GABBR2: variants seen among roughly 807,000 people sequenced by gnomAD.
The protein encoded by GABBR2 is gamma-aminobutyric acid type B receptor subunit 2.
In GABBR2, 23 loss-of-function variants were observed where a neutral mutation model predicts 105.6. The observed-to-expected ratio is 0.22, with a 90% CI of 0.16 to 0.31. The LOEUF (loss-of-function observed/expected upper bound fraction) is 0.31. Ranked by LOEUF, GABBR2 falls within the 10% of genes least tolerant of loss-of-function variation. The pLI is 1.00. For missense variants in GABBR2, 734 were observed against 1,245.5 expected, an observed-to-expected ratio of 0.59 and a Z score of 6.18; for synonymous variants, 478 against 499.7, an observed-to-expected ratio of 0.96 and a Z score of 0.58.
chr9:98,483,991 A>G (rs1342572500), intron 4 of GABBR2, among the ~76,000 whole-genome samples: 1 of 152,196 alleles, frequency 6.6e-6, no homozygotes, highest in Admixed American at 6.5e-5. Flanking sequence ...GAATTAATCC[A>G]GTGTGCAGCA....
intron 7 of GABBR2, among the ~76,000 whole-genome samples, chr9:98,432,211 A>G (rs1337366328): frequency 6.6e-6 from 1 of 152,180 alleles, no homozygotes; most frequent in Non-Finnish European, 1.5e-5. Context: ...AAGGTTTTTA[A>G]TAAGGAGTAC....
chr9:98,398,133 G>T (rs1832326825), intron 8 of GABBR2, among the ~76,000 whole-genome samples: 1 of 152,162 alleles, frequency 6.6e-6, no homozygotes, highest in Admixed American at 6.5e-5. Flanking sequence ...TGTAATAACT[G>T]CCAGGGGTAG....
At chr9:98,673,835 A>G (rs1357691043) in intron 1 of GABBR2, among the ~76,000 whole-genome samples, 1 of 152,168 alleles carries the variant, frequency 6.6e-6, no homozygotes, top group African/African-American at 2.4e-5. Flanking sequence ...TGTCTGACCT[A>G]CGCTCACTGC....
intron 13 of GABBR2, among the ~76,000 whole-genome samples, chr9:98,324,585 T>C (rs1830887668): frequency 1.3e-5 from 2 of 151,814 alleles, no homozygotes; most frequent in South Asian, 2.1e-4. Context: ...CATTTTCCTG[T>C]TGTCATTCAG....
intron 6 of GABBR2, among the ~76,000 whole-genome samples, chr9:98,463,296 T>C (rs1213286227): frequency 6.6e-6 from 1 of 152,242 alleles, no homozygotes; most frequent in Non-Finnish European, 1.5e-5. Flanking sequence ...TGGAAGACTT[T>C]AATATTAAGA....
chr9:98,631,626 CAATT>C (rs1467628865), intron 1 of GABBR2, among the ~76,000 whole-genome samples: 1 of 152,224 alleles, frequency 6.6e-6, no homozygotes, highest in Non-Finnish European at 1.5e-5. Flanking sequence ...AGTCCACTCT[CAATT>C]AGTTAGAATG....
At chr9:98,683,707 C>G (rs113834332) in intron 1 of GABBR2, among the ~76,000 whole-genome samples, 123 of 151,760 alleles carry the variant, frequency 8.1e-4, no homozygotes, top group African/African-American at 2.8e-3. Flanking sequence ...CCTGCATGTT[C>G]GACAACAGAA....
rs1199274056 is a variant in GABBR2, at chr9:98,290,697, G to A, written c.2713C>T (p.Pro905Ser). ...QLPILHHAYL[P>S]SIGGVDASCV... ...CTGGCGTCCACGCCTCCGATGGATG[G>A]GAGGTAGGCGTGGTGGAGGATGGGG... Residue 905 changes from proline (P) to serine (S), a missense_variant, in exon 19 of 19, where the codon CCA becomes TCA. Pro to Ser is a moderately conservative substitution (Grantham distance 74). This residue lies in a region of GABBR2 where 134 missense variants were observed against 171.2 expected (regional missense o/e 0.78). Transcript: ENST00000259455. The A allele has an allele frequency of 6.7e-7, 1 of 1,485,610 alleles. No individual in the cohort carries two copies. Among genetic ancestry groups the A allele is most frequent in the Non-Finnish European group, 8.9e-7 (1 of 1,129,280 alleles). The allele number at this position is 1,485,610 out of a possible 1,614,324, so 92.0% of individuals were successfully genotyped here.
intron 1 of GABBR2, among the ~76,000 whole-genome samples, chr9:98,698,756 C>T (rs1830790017): frequency 6.6e-6 from 1 of 152,094 alleles, no homozygotes; most frequent in African/African-American, 2.4e-5. Flanking sequence ...CTTCGGCCTC[C>T]CAAAGTGCTG....
chr9:98,324,146 C>CGGTT (rs1310058506), intron 13 of GABBR2, among the ~76,000 whole-genome samples: 1 of 152,156 alleles, frequency 6.6e-6, no homozygotes, highest in Non-Finnish European at 1.5e-5. Flanking sequence ...AGGGCCCTGT[C>CGGTT]GGTTTTTCAT....
intron 7 of GABBR2, among the ~76,000 whole-genome samples, chr9:98,448,218 C>T (rs148934771): frequency 3.3e-5 from 5 of 151,902 alleles, no homozygotes; most frequent in South Asian, 2.1e-4. Context: ...GTACACCCAC[C>T]GAGAATGAGG....
chr9:98,394,248 C>T lies in GABBR2; in HGVS notation c.1305G>A (p.Arg435=), dbSNP rs1832247679. The part of the protein sequence containing the change: ...TIKFTQFQDS[R]EVKVGEYNAV... ...CGTTGTACTCTCCCACCTTCACCTC[C>T]CTGCTGTCTGTGGGGAGCAAAAGAC... The change falls in exon 9 of 19, where the codon AGG becomes AGA. Residue 435 remains arginine (R), a synonymous_variant. Transcript: ENST00000259455. 1 of 1,612,856 alleles carries T rather than the reference C, an allele frequency of 6.2e-7. No individual in the cohort carries two copies. The highest frequency in any genetic ancestry group is 1.3e-5 in the African/African-American group (1 of 75,024).
At chr9:98,672,461 T>A (rs1564147631) in intron 1 of GABBR2, among the ~76,000 whole-genome samples, 1 of 152,270 alleles carries the variant, frequency 6.6e-6, no homozygotes, top group African/African-American at 2.4e-5. Context: ...AACCACTTTC[T>A]TCTTCAATAC....
intron 7 of GABBR2, among the ~76,000 whole-genome samples, chr9:98,442,883 A>G (rs923026037): frequency 6.6e-6 from 1 of 152,068 alleles, no homozygotes; most frequent in African/African-American, 2.4e-5. Flanking sequence ...CTGTCTTCAA[A>G]TCTCCCCTTT....
intron 8 of GABBR2, among the ~76,000 whole-genome samples, chr9:98,403,563 C>T (rs1023542423): frequency 3.3e-5 from 5 of 151,976 alleles, no homozygotes; most frequent in Non-Finnish European, 7.4e-5. Flanking sequence ...ATGAGATCAT[C>T]GCTAAGGCCC....
intron 1 of GABBR2, among the ~76,000 whole-genome samples, chr9:98,677,340 G>A (rs1044116284): frequency 4.6e-5 from 7 of 152,212 alleles, no homozygotes; most frequent in African/African-American, 1.2e-4. Flanking sequence ...AGTCAAAAGC[G>A]AAGAGCCCTG....
At chr9:98,565,826 C>T (rs145836050) in intron 2 of GABBR2, among the ~76,000 whole-genome samples, 94 of 152,302 alleles carry the variant, frequency 6.2e-4, no homozygotes, top group African/African-American at 1.8e-3. Flanking sequence ...AAGCCTGAGA[C>T]GCGTACCCGG....
chr9:98,473,197 G>A lies in GABBR2; in HGVS notation c.948C>T (p.Gly316=), dbSNP rs369085352. The stretch of plus-strand genomic sequence containing the variant: ...TGGAGCTCAGGGGCTCGAAATCCAC[G>A]CCAATGTAGCCCTCCATGGCAGCAA... ...NLLAAMEGYI[G]VDFEPLSSKQ... Residue 316 remains glycine (G), a synonymous_variant, in exon 6 of 19, where the codon GGC becomes GGT. Transcript: ENST00000259455. 11 of 1,613,754 alleles carry A rather than the reference G, an allele frequency of 6.8e-6. No homozygotes were observed. Among genetic ancestry groups the A allele is most frequent in the African/African-American group, 5.3e-5 (4 of 74,840 alleles).
At chr9:98,634,696 C>G (rs928317531) in intron 1 of GABBR2, among the ~76,000 whole-genome samples, 1 of 152,156 alleles carries the variant, frequency 6.6e-6, no homozygotes, top group Non-Finnish European at 1.5e-5. Context: ...TTAAGCCACC[C>G]AGTCTCTGGT....
Sources: gnomAD v4.1 joint callset for allele counts (sites outside exome capture counted in the v4.1 genomes callset) on GRCh38, gnomAD v4.1.1 for gene constraint, gnomAD v4.1.1 regional missense constraint, MANE v1.5 for transcripts, NCBI Gene and HGNC (gene_info 2026-07-23, HGNC 2026-07-21) for gene names.